PLCD1: variants seen among roughly 807,000 people sequenced by gnomAD.
The protein encoded by PLCD1 is phospholipase C delta 1, also known as 1-phosphatidylinositol 4,5-bisphosphate phosphodiesterase delta-1.
A neutral mutation model predicts 87.4 loss-of-function variants in PLCD1; 71 were observed. The observed-to-expected ratio is 0.81, with a 90% CI of 0.67 to 0.99. The LOEUF is 0.99. Ranked by LOEUF, PLCD1 falls within the 50% of genes least tolerant of loss-of-function variation. PLCD1 has a pLI of 0.00. For synonymous variants in PLCD1, 348 were observed against 399.2 expected, an observed-to-expected ratio of 0.87 and a Z score of 1.53; for missense variants, 867 against 1,001.5, an observed-to-expected ratio of 0.87 and a Z score of 1.81.
rs1347903629 is a variant in PLCD1, at chr3:38,008,882, G to A, written c.1723+160C>T. The A allele has an allele frequency of 7.4e-6, 5 of 673,764 alleles. No individual in the cohort carries two copies. In the African/African-American group the frequency reaches 9.0e-5, roughly 12 times the overall value. The allele number at this position is 673,764 out of a possible 1,614,324, so 41.7% of individuals were successfully genotyped here. A position where few individuals can be genotyped will look rare whatever the true frequency, so the allele number is the denominator to read the frequency against. On this transcript the variant is annotated intron_variant, in intron 11 of 14. Transcript: ENST00000334661. The stretch of plus-strand genomic sequence containing the variant: ...TTTCAGACACTGTGACATGCTGGTG[G>A]GCAGATATTTCCAGACTGATATTAC...
intron 3 of PLCD1, chr3:38,014,452 A>C (rs551772351): frequency 6.5e-6 from 1 of 153,762 alleles, no homozygotes; most frequent in Admixed American, 6.5e-5. Flanking sequence ...AGAATTTTGG[A>C]TTAGGCAAAG....
Position 38,009,934 on chromosome 3 carries a change from A to G in PLCD1, c.1257T>C (p.Asp419=), listed in dbSNP as rs964531502. The G allele has an allele frequency of 6.2e-6, 10 of 1,611,580 alleles. No homozygotes were observed. In the Admixed American group the frequency reaches 6.7e-5, roughly 11 times the overall value. The change falls in exon 8 of 15, where the codon GAT becomes GAC. Residue 419 remains aspartate, a synonymous_variant. Coordinates refer to ENST00000334661, the MANE Select transcript of PLCD1 (RefSeq NM_006225.4). The part of the protein sequence containing the change: ...LGPMLLNRPL[D]GVTNSLPSPE... Reference sequence around the variant, plus strand: ...GGGAGGGCAGGCTGTTGGTGACCCCATCCAGTGGTCGGTTCAACAGCATGG... The same window carrying G: ...GGGAGGGCAGGCTGTTGGTGACCCCGTCCAGTGGTCGGTTCAACAGCATGG...
chr3:38,018,581 T>C lies in PLCD1; in HGVS notation c.199+1607A>G, dbSNP rs1337017611. Among the ~76,000 whole-genome samples the C allele has an allele frequency of 6.6e-6, 1 of 152,152 alleles. No homozygotes were observed. Among genetic ancestry groups the C allele is most frequent in the African/African-American group, 2.4e-5 (1 of 41,432 alleles). ...GAAAGGCCTGGGTCTTCCACTCCTC[T>C]ATCTCCCCTCTCATGCTTCCCAAGA... is the stretch of plus-strand genomic sequence containing the variant. On this transcript the variant is annotated intron_variant, in intron 2 of 14. Coordinates refer to ENST00000334661, the MANE Select transcript of PLCD1 (RefSeq NM_006225.4). This position sits in a 1 kb window ranked among gnomAD's most constrained non-coding sequence, Gnocchi z 5.7.
chr3:38,010,864 T>C (rs1700062205), intron 5 of PLCD1, among the ~76,000 whole-genome samples: 1 of 151,998 alleles, frequency 6.6e-6, no homozygotes, highest in African/African-American at 2.4e-5. Context: ...GGACCCATCT[T>C]CTCTGCTCTA....
chr3:38,009,785 C>A lies in PLCD1; in HGVS notation c.1314G>T (p.Lys438Asn), dbSNP rs376209120. Residue 438 changes from lysine to asparagine, a missense_variant, in exon 9 of 15, where the codon AAG becomes AAT. Physicochemically the swap from Lys to Asn is moderately conservative, Grantham distance 94. Coordinates refer to ENST00000334661, the MANE Select transcript of PLCD1 (RefSeq NM_006225.4). ...GCAGGAGCCCCCCGAGCTTCTTCCC[C>A]TTCAGCAGGATCTTCCCCTTCAGTT... ...PEQLKGKILL[K>N]GKKLGGLLPP... The A allele has an allele frequency of 1.8e-4, 289 of 1,613,924 alleles. No individual in the cohort carries two copies. Among genetic ancestry groups the A allele is most frequent in the Non-Finnish European group, 2.4e-4 (281 of 1,180,024 alleles).
chr3:38,024,585 G>A (rs1700284015), intron 1 of PLCD1: 2 of 1,510,390 alleles, frequency 1.3e-6, no homozygotes, highest in Non-Finnish European at 1.8e-6. Context: ...ATGGGAGGGA[G>A]GAGCTAGAGT....
intron 1 of PLCD1, among the ~76,000 whole-genome samples, chr3:38,026,938 C>T (rs2212040): frequency 0.7 from 106,392 of 152,034 alleles, 37,803 homozygotes; most frequent in African/African-American, 0.83. Context: ...TTTTTACAAA[C>T]GGCACCTCTT....
Position 38,016,734 on chromosome 3 carries a change from T to G in PLCD1, c.200-15A>C, listed in dbSNP as rs373333236. The G allele has an allele frequency of 1.7e-4, 255 of 1,519,386 alleles. No homozygotes were observed. Among genetic ancestry groups the G allele is most frequent in the Non-Finnish European group, 2.1e-4 (230 of 1,117,472 alleles). The allele number at this position is 1,519,386 out of a possible 1,614,324, so 94.1% of individuals were successfully genotyped here. ...CTCGATGGAGACTGCGAGAGGGGGA[T>G]GGTGGAGGAGAGAGGGAGAGAATGC... is the stretch of plus-strand genomic sequence containing the variant. On this transcript the variant is annotated splice_polypyrimidine_tract_variant and intron_variant, in intron 2 of 14. Coordinates refer to ENST00000334661, the MANE Select transcript of PLCD1 (RefSeq NM_006225.4).
chr3:38,013,562 T>C (rs1429886212), intron 3 of PLCD1, among the ~76,000 whole-genome samples: 1 of 152,250 alleles, frequency 6.6e-6, no homozygotes, highest in African/African-American at 2.4e-5. Context: ...ATGGAAATCA[T>C]ACATTTGTAG....
intron 12 of PLCD1, 43 bp downstream of exon 12, chr3:38,008,415 A>G (rs1044402932): frequency 1.2e-6 from 2 of 1,614,088 alleles, no homozygotes. Context: ...GGTAGCGGGG[A>G]AGGGAGGTCC....
intron 2 of PLCD1, 76 bp downstream of exon 2, chr3:38,020,112 G>T: frequency 2.2e-6 from 3 of 1,343,304 alleles, no homozygotes; most frequent in Non-Finnish European, 2.1e-6. Context: ...TTTGATCCAT[G>T]ACTGACCTTT....
intron 5 of PLCD1, among the ~76,000 whole-genome samples, 158 bp from the exon 6 acceptor site, chr3:38,010,720 G>A (rs958753601): frequency 3.9e-5 from 6 of 152,060 alleles, no homozygotes; most frequent in Non-Finnish European, 8.8e-5. Context: ...TGAGGCTCTC[G>A]ACCAGACTGT....
At chr3:38,009,461 T>G (rs1201878419) in intron 9 of PLCD1, 30 bp from the exon 10 acceptor site, 1 of 1,613,246 alleles carries the variant, frequency 6.2e-7, no homozygotes. Context: ...CCGGGTTAGA[T>G]TCAGTGGTTG....
chr3:38,024,735 G>A, intron 1 of PLCD1: 2 of 1,402,306 alleles, frequency 1.4e-6, no homozygotes, highest in Non-Finnish European at 1.9e-6. Context: ...GCGAAACCGA[G>A]GCAAAGTAAA....
rs1461000926 is a variant in PLCD1 at position 38,007,887 on chromosome 3, C to G, written c.2186-29G>C. On this transcript the variant is annotated intron_variant, in intron 14 of 14. Transcript: ENST00000334661. ...GTGGGTGGACAGGCAGGAGGGAACA[C>G]AGAGAGAGTTCTGGTCATTCGGCGG... The G allele has an allele frequency of 5.0e-6, 8 of 1,610,374 alleles. No individual in the cohort carries two copies. The African/African-American group carries it at 9.4e-5, about 19-fold the overall frequency.
Position 38,025,458 on chromosome 3 carries a change from C to T in PLCD1, c.34+4048G>A, listed in dbSNP as rs1700299330. Among the ~76,000 whole-genome samples the T allele has an allele frequency of 6.6e-6, 1 of 152,096 alleles. No homozygotes were observed. The highest frequency in any genetic ancestry group is 2.4e-5 in the African/African-American group (1 of 41,402). On this transcript the variant is annotated intron_variant, in intron 1 of 14. Coordinates refer to ENST00000334661, the MANE Select transcript of PLCD1 (RefSeq NM_006225.4). This position sits in a 1 kb window ranked among gnomAD's most constrained non-coding sequence, Gnocchi z 4.0. ...TGGAGCCTGGGCCAGACACCGAGCCCCCCCCAAGTATTTTACTTCAATTGC... is the reference window on the plus strand; with the variant it reads ...TGGAGCCTGGGCCAGACACCGAGCCTCCCCCAAGTATTTTACTTCAATTGC...
Position 38,015,157 on chromosome 3 carries a change from T to C in PLCD1, c.428+1334A>G, listed in dbSNP as rs113729769. Among the ~76,000 whole-genome samples the C allele has an allele frequency of 2.5e-3, 380 of 152,320 alleles. 3 individuals carry two copies. The highest frequency in any genetic ancestry group is 8.1e-3 in the African/African-American group (336 of 41,580). On this transcript the variant is annotated intron_variant, in intron 3 of 14. Coordinates refer to ENST00000334661, the MANE Select transcript of PLCD1 (RefSeq NM_006225.4). The stretch of plus-strand genomic sequence containing the variant: ...TTATACACGAATGTTAATATCAGCA[T>C]TCTTCATAAAAGCCCCAAAGTGGAA...
chr3:38,009,620 C>G (rs753747017), intron 9 of PLCD1, 33 bp downstream of exon 9: 3 of 1,613,098 alleles, frequency 1.9e-6, no homozygotes, highest in Non-Finnish European at 2.5e-6. Flanking sequence ...GGGGAAGGCC[C>G]GGGCTGCCCC....
rs141516535 is a variant in PLCD1 at position 38,009,153 on chromosome 3, C to T, written c.1612G>A (p.Gly538Ser). 236 of 1,614,020 alleles carry T rather than the reference C, an allele frequency of 1.5e-4. No homozygotes were observed. The highest frequency in any genetic ancestry group is 1.9e-4 in the Non-Finnish European group (225 of 1,179,994). ...ALRLLQESGN[G>S]FVRHNVGHLS... The stretch of plus-strand genomic sequence containing the variant: ...TGCCCCACGTTGTGGCGGACAAAGC[C>T]GTTTCCTGAGGGGAGGTGTGGTTCG... The change falls in exon 11 of 15, where the codon GGC (glycine) becomes AGC (serine). Residue 538 changes from glycine to serine, a missense_variant. By Grantham distance (56) the Gly-to-Ser change is moderately conservative (BLOSUM62 0). Transcript: ENST00000334661.
Sources: gnomAD v4.1 joint callset for allele counts (sites outside exome capture counted in the v4.1 genomes callset) on GRCh38, gnomAD v4.1.1 for gene constraint, Gnocchi (gnomAD v3.1) non-coding constraint, MANE v1.5 for transcripts, NCBI Gene and HGNC (gene_info 2026-07-23, HGNC 2026-07-21) for gene names.